The following NR3C2 variants were observed in gnomAD, a reference collection of about 807,000 sequenced individuals.
NR3C2 encodes the protein nuclear receptor subfamily 3 group C member 2, also known as mineralocorticoid receptor.
NR3C2 carries 15 observed loss-of-function variants against 86.4 expected under a neutral mutation model. That is an observed-to-expected ratio of 0.17 (90% CI 0.12 to 0.27). The LOEUF is 0.27. Among genes scored for constraint, NR3C2 ranks in the 10% least tolerant of loss-of-function variants. The pLI is 1.00. For synonymous variants in NR3C2, 458 were observed against 450.5 expected, an observed-to-expected ratio of 1.02 and a Z score of -0.21; for missense variants, 960 against 1,195.6, an observed-to-expected ratio of 0.80 and a Z score of 2.91.
intron 1 of NR3C2, among the ~76,000 whole-genome samples, chr4:148,441,168 C>T (rs1750320746): frequency 6.6e-6 from 1 of 152,182 alleles, no homozygotes; most frequent in South Asian, 2.1e-4. Context: ...TTTACCGAGC[C>T]ACCTGATCTT....
chr4:148,316,981 C>T lies in NR3C2; in HGVS notation c.1758-56864G>A, dbSNP rs140522834. Among the ~76,000 whole-genome samples the T allele has an allele frequency of 7.3e-3, 1,112 of 151,924 alleles. 10 individuals are homozygous for T. Among genetic ancestry groups the T allele is most frequent in the Non-Finnish European group, 0.012 (806 of 67,918 alleles). On this transcript the variant is annotated intron_variant, in intron 2 of 8. Coordinates refer to ENST00000358102, the MANE Select transcript of NR3C2 (RefSeq NM_000901.5). ...CATTTCCAGCTAATTTTTGTAGAGA[C>T]GGGGTTTCGCTATGTTGCCCAGGCT... is the stretch of plus-strand genomic sequence containing the variant.
chr4:148,228,199 C>T (rs1158163032), intron 3 of NR3C2, among the ~76,000 whole-genome samples: 4 of 152,186 alleles, frequency 2.6e-5, no homozygotes, highest in African/African-American at 9.6e-5. Flanking sequence ...GCTGATCTTC[C>T]CTGTATTTCT....
intron 2 of NR3C2, among the ~76,000 whole-genome samples, chr4:148,288,928 A>G (rs1741663571): frequency 6.6e-6 from 1 of 152,200 alleles, no homozygotes; most frequent in Non-Finnish European, 1.5e-5. Context: ...GCAGAAAAGT[A>G]CACCAGTTTA....
chr4:148,258,005 G>C (rs1739911893), intron 3 of NR3C2, among the ~76,000 whole-genome samples: 1 of 152,058 alleles, frequency 6.6e-6, no homozygotes, highest in Non-Finnish European at 1.5e-5. Context: ...TAATTCCCTA[G>C]GTAATTCCAC....
intron 2 of NR3C2, among the ~76,000 whole-genome samples, chr4:148,342,546 A>T (rs1482240562): frequency 6.6e-6 from 1 of 152,126 alleles, no homozygotes; most frequent in African/African-American, 2.4e-5. Flanking sequence ...ATATCTGATG[A>T]AGCTCTGGTT....
chr4:148,229,737 G>A (rs1738364755), intron 3 of NR3C2, among the ~76,000 whole-genome samples: 1 of 152,078 alleles, frequency 6.6e-6, no homozygotes. Flanking sequence ...TGTCACCTCT[G>A]GCCAAAGATA....
At chr4:148,303,529 CT>C (rs929569295) in intron 2 of NR3C2, among the ~76,000 whole-genome samples, 20 of 152,140 alleles carry the variant, frequency 1.3e-4, no homozygotes, top group Admixed American at 1.1e-3. Flanking sequence ...CACAAGACAT[CT>C]TTTTCTCTCC....
intron 2 of NR3C2, among the ~76,000 whole-genome samples, chr4:148,394,662 G>T (rs72729990): frequency 0.15 from 22,298 of 152,032 alleles, 2,064 homozygotes; most frequent in African/African-American, 0.26. Context: ...ACTGCACTTC[G>T]ACCTCAGGGA....
intron 2 of NR3C2, among the ~76,000 whole-genome samples, chr4:148,302,355 T>C (rs1199864622): frequency 6.6e-6 from 1 of 151,898 alleles, no homozygotes; most frequent in East Asian, 1.9e-4. Flanking sequence ...TCTTTCAGAG[T>C]CAAGAAAACT....
intron 2 of NR3C2, among the ~76,000 whole-genome samples, chr4:148,266,328 C>A (rs1413129627): frequency 1.3e-5 from 2 of 152,166 alleles, no homozygotes; most frequent in African/African-American, 4.8e-5. Context: ...GCCTCGGCCT[C>A]CCAACGTGTT....
At chr4:148,192,888 G>A (rs1381783438) in intron 4 of NR3C2, among the ~76,000 whole-genome samples, 1 of 152,060 alleles carries the variant, frequency 6.6e-6, no homozygotes, top group Non-Finnish European at 1.5e-5. Flanking sequence ...TTGAACACTT[G>A]CCCAAGGCTA....
chr4:148,164,923 A>G (rs575487413), intron 4 of NR3C2, among the ~76,000 whole-genome samples: 2 of 152,268 alleles, frequency 1.3e-5, no homozygotes, highest in East Asian at 3.9e-4. Context: ...AACTAGTTAA[A>G]CGCTGGAACC....
intron 6 of NR3C2, among the ~76,000 whole-genome samples, chr4:148,148,566 C>G (rs1733970776): frequency 6.6e-6 from 1 of 152,196 alleles, no homozygotes; most frequent in African/African-American, 2.4e-5. Flanking sequence ...GCCACACTGT[C>G]TTGCTCTTAG....
intron 2 of NR3C2, among the ~76,000 whole-genome samples, chr4:148,403,618 T>C (rs1283036456): frequency 6.6e-6 from 1 of 152,104 alleles, no homozygotes; most frequent in Non-Finnish European, 1.5e-5. Flanking sequence ...AGCCAGATAC[T>C]GATTTTAAAA....
chr4:148,415,951 A>G (rs1748972756), intron 2 of NR3C2, among the ~76,000 whole-genome samples: 1 of 152,232 alleles, frequency 6.6e-6, no homozygotes, highest in Admixed American at 6.5e-5. Flanking sequence ...CCACTAAGAA[A>G]AAAATACATG....
At chr4:148,158,675 C>T (rs994773777) in intron 4 of NR3C2, among the ~76,000 whole-genome samples, 3 of 152,104 alleles carry the variant, frequency 2.0e-5, no homozygotes, top group African/African-American at 7.2e-5. Context: ...TTTTTGCAAA[C>T]TAATGATAAA....
At chr4:148,151,737 T>C (rs1734111827) in intron 6 of NR3C2, among the ~76,000 whole-genome samples, 1 of 152,230 alleles carries the variant, frequency 6.6e-6, no homozygotes, top group African/African-American at 2.4e-5. Context: ...TCTGTCAGAA[T>C]ATGGCTGTAG....
intron 3 of NR3C2, among the ~76,000 whole-genome samples, chr4:148,256,160 C>T (rs982977869): frequency 3.3e-5 from 5 of 152,158 alleles, no homozygotes; most frequent in Non-Finnish European, 7.4e-5. Flanking sequence ...GTTCAGTCTG[C>T]ACTGGAAAAG....
intron 4 of NR3C2, among the ~76,000 whole-genome samples, chr4:148,179,036 G>C (rs1038759704): frequency 9.3e-5 from 14 of 150,672 alleles, no homozygotes; most frequent in African/African-American, 3.4e-4. Flanking sequence ...AGTTCACAAA[G>C]ACTGTGCAAT....
Sources: gnomAD v4.1 joint callset for allele counts (sites outside exome capture counted in the v4.1 genomes callset) on GRCh38, gnomAD v4.1.1 for gene constraint, MANE v1.5 for transcripts, NCBI Gene and HGNC (gene_info 2026-07-23, HGNC 2026-07-21) for gene names.